Variants in ATP11A observed in about 807,000 individuals in gnomAD.
ATP11A encodes the protein phospholipid-transporting ATPase IH.
Under a neutral mutation model 154.4 loss-of-function variants are expected in ATP11A, and 81 were observed. The ratio of observed to expected loss-of-function variants is 0.52; its 90% confidence interval spans 0.44 to 0.63. The LOEUF (loss-of-function observed/expected upper bound fraction) is 0.63. ATP11A is among the 30% of genes least tolerant of loss of function. The pLI, the probability that ATP11A is intolerant of heterozygous loss-of-function variation, is 0.00. For synonymous variants in ATP11A, 623 were observed against 585.9 expected, an observed-to-expected ratio of 1.06 and a Z score of -0.91; for missense variants, 1,316 against 1,474.3, an observed-to-expected ratio of 0.89 and a Z score of 1.76.
At chr13:112,832,739 C>T (rs1414296513) in intron 13 of ATP11A, 121 bp from the exon 14 acceptor site, 5 of 1,130,648 alleles carry the variant, frequency 4.4e-6, no homozygotes, top group Non-Finnish European at 6.4e-6. Flanking sequence ...CGCCCACAAG[C>T]TGCCTTCGTG....
At chr13:112,824,299 A>G (rs2078876849) in intron 9 of ATP11A, 45 bp from the exon 10 acceptor site, 19 of 1,475,556 alleles carry the variant, frequency 1.3e-5, no homozygotes, top group Non-Finnish European at 1.6e-5. Context: ...ATAAGGCAAG[A>G]CACACTTGCG....
intron 1 of ATP11A, among the ~76,000 whole-genome samples, chr13:112,718,321 A>G (rs972118310): frequency 9.8e-5 from 15 of 152,346 alleles, no homozygotes; most frequent in Middle Eastern, 3.4e-3. Context: ...TTCAGGTGAC[A>G]ATGTTCAACT....
intron 2 of ATP11A, among the ~76,000 whole-genome samples, chr13:112,794,112 C>A (rs557322404): frequency 2.6e-5 from 4 of 152,320 alleles, no homozygotes; most frequent in African/African-American, 4.8e-5. Flanking sequence ...AGGTGCCAAG[C>A]ACCACTCGGT....
intron 12 of ATP11A, among the ~76,000 whole-genome samples, chr13:112,828,169 G>GC (rs67693822): frequency 3.3e-5 from 1 of 30,202 alleles, no homozygotes; most frequent in African/African-American, 2.0e-4. Context: ...AGCGTTGAGT[G>GC]GGGGGAAAGC....
Position 112,871,751 on chromosome 13 carries a change from C to A in ATP11A, c.3008C>A (p.Thr1003Lys), listed in dbSNP as rs141611897. 3 of 1,614,066 alleles carry A rather than the reference C, an allele frequency of 1.9e-6. No homozygotes were observed. In the East Asian group the frequency reaches 6.7e-5, roughly 36 times the overall value. ...CCCAAACAGATATTTGGAAACTGGA[C>A]GTTTGGAACGCTGGTATTCACCGTG... is the stretch of plus-strand genomic sequence containing the variant. ...TSNGQIFGNW[T>K]FGTLVFTVMV... Residue 1003 changes from threonine (T) to lysine (K), a missense_variant, in exon 26 of 30, where the codon ACG becomes AAG. Physicochemically the swap from Thr to Lys is moderately conservative, Grantham distance 78. Around this residue, in one of 5 missense-constraint regions of ATP11A, gnomAD observed 294 missense variants for 290.2 expected, o/e 1.01. Coordinates refer to ENST00000375645, the MANE Select transcript of ATP11A (RefSeq NM_015205.3).
rs2079858304 is a variant in ATP11A, at chr13:112,854,275, T to G, written c.1992-4T>G. 14 of 1,613,720 alleles carry G rather than the reference T, an allele frequency of 8.7e-6. No individual in the cohort carries two copies. The highest frequency in any genetic ancestry group is 1.3e-5 in the African/African-American group (1 of 74,888). On this transcript the variant is annotated splice_polypyrimidine_tract_variant and splice_region_variant and intron_variant, in intron 18 of 29. Coordinates refer to ENST00000375645, the MANE Select transcript of ATP11A (RefSeq NM_015205.3). ...TATGCTGTGTTTGGTTTTGCCTCCC[T>G]CAGGCTGCAGGAGAAAGCTGCAGAC...
chr13:112,858,453 T>C, intron 22 of ATP11A, 163 bp downstream of exon 22: 1 of 747,128 alleles, frequency 1.3e-6, no homozygotes, highest in Non-Finnish European at 2.0e-6. Flanking sequence ...ATCTCTTGCT[T>C]AGCTGTGACT....
At position 112,886,785 on chromosome 13, in the gene ATP11A, A is replaced by G. The variant is rs1241687928; in HGVS notation, c.*4919A>G. 6.6e-6 allele frequency: 1 copy of G among 152,576 alleles called. No homozygotes were observed. Among genetic ancestry groups the G allele is most frequent in the Non-Finnish European group, 1.5e-5 (1 of 68,050 alleles). The allele number at this position is 152,576 out of a possible 1,614,324, so 9.5% of individuals were successfully genotyped here. On this transcript the variant is annotated 3_prime_UTR_variant, in exon 30 of 30. Coordinates refer to ENST00000375645, the MANE Select transcript of ATP11A (RefSeq NM_015205.3). ...GCGTCACCATTTAAAATGTCTGTTC[A>G]TTATGTAATGTAATAAAAGAAGGTC...
chr13:112,822,004 C>G (rs931615831), intron 8 of ATP11A, among the ~76,000 whole-genome samples: 3 of 152,208 alleles, frequency 2.0e-5, no homozygotes, highest in Non-Finnish European at 4.4e-5. Flanking sequence ...GACAGCCCCA[C>G]TCTGCCTGTC....
chr13:112,716,733 G>A (rs1004302257), intron 1 of ATP11A, among the ~76,000 whole-genome samples: 8 of 152,220 alleles, frequency 5.3e-5, no homozygotes, highest in Non-Finnish European at 1.2e-4. Context: ...GCCAGTGACG[G>A]GGCCCATCCT....
chr13:112,834,735 A>G, intron 15 of ATP11A, 75 bp downstream of exon 15: 1 of 1,262,888 alleles, frequency 7.9e-7, no homozygotes, highest in East Asian at 2.4e-5. Context: ...TCTGCGTTTG[A>G]GGGAAAAGAC....
At chr13:112,826,052 G>C (rs2078925409) in intron 11 of ATP11A, among the ~76,000 whole-genome samples, 1 of 151,746 alleles carries the variant, frequency 6.6e-6, no homozygotes, top group Non-Finnish European at 1.5e-5. Context: ...AACAAACCCA[G>C]ACCCATATCC....
chr13:112,817,512 CG>C (rs2078677212), intron 6 of ATP11A, among the ~76,000 whole-genome samples: 1 of 152,194 alleles, frequency 6.6e-6, no homozygotes, highest in South Asian at 2.1e-4. Context: ...TCGCTGTAAG[CG>C]GGTGTTGGTC....
intron 25 of ATP11A, among the ~76,000 whole-genome samples, chr13:112,867,872 C>T (rs1261850312): frequency 6.6e-6 from 1 of 152,204 alleles, no homozygotes; most frequent in Non-Finnish European, 1.5e-5. Context: ...CCCTTCCAAC[C>T]AGGATACTCC....
rs543782799 is a variant in ATP11A, at chr13:112,773,779, G to A, written c.40-11356G>A. ...TCTGTGTGGCACCTGCCAACGCCCC[G>A]CGTGTGTGAGTGGCGATCTGCGTCT... On this transcript the variant is annotated intron_variant, in intron 1 of 29. Transcript: ENST00000375645. Among the ~76,000 whole-genome samples, 7 of 152,366 alleles carry A rather than the reference G, an allele frequency of 4.6e-5. No homozygotes were observed. The South Asian group carries it at 1.0e-3, about 23-fold the overall frequency.
chr13:112,796,746 C>G (rs1005190587), intron 2 of ATP11A, among the ~76,000 whole-genome samples: 9 of 152,120 alleles, frequency 5.9e-5, no homozygotes, highest in African/African-American at 2.2e-4. Flanking sequence ...ACAGACTGTA[C>G]GGAGATTGAC....
At chr13:112,849,254 A>G (rs1204577439) in intron 17 of ATP11A, among the ~76,000 whole-genome samples, 2 of 152,196 alleles carry the variant, frequency 1.3e-5, no homozygotes, top group Non-Finnish European at 2.9e-5. Flanking sequence ...TTTGTTGAGC[A>G]TATTTGCATC....
At chr13:112,763,222 A>C (rs1034330033) in intron 1 of ATP11A, among the ~76,000 whole-genome samples, 3 of 152,154 alleles carry the variant, frequency 2.0e-5, no homozygotes, top group African/African-American at 7.2e-5. Flanking sequence ...CTAAGCCCCC[A>C]ACCAACGGAA....
chr13:112,881,096 T>TC, intron 29 of ATP11A: 1 of 987,450 alleles, frequency 1.0e-6, no homozygotes, highest in South Asian at 4.7e-5. Context: ...TTGTCGCCTC[T>TC]CCAACAGACA....
Sources: gnomAD v4.1 joint callset for allele counts (sites outside exome capture counted in the v4.1 genomes callset) on GRCh38, gnomAD v4.1.1 for gene constraint, gnomAD v4.1.1 regional missense constraint, MANE v1.5 for transcripts, NCBI Gene and HGNC (gene_info 2026-07-23, HGNC 2026-07-21) for gene names.